The following RNF217 variants were observed in gnomAD, a reference collection of about 807,000 sequenced individuals.
The protein encoded by RNF217 is E3 ubiquitin-protein ligase RNF217.
RNF217 carries 31 observed loss-of-function variants against 57.8 expected under a neutral mutation model. The observed-to-expected ratio is 0.54, with a 90% CI of 0.40 to 0.72. The LOEUF (loss-of-function observed/expected upper bound fraction) is 0.72. RNF217 is among the 30% of genes least tolerant of loss of function. The probability of loss-of-function intolerance (pLI) is 0.00; values close to 1 mark genes in which losing one functional copy is unlikely to be tolerated. For synonymous variants in RNF217, 313 were observed against 294.0 expected (o/e 1.06, Z -0.66); for missense variants, 696 against 708.3 (o/e 0.98, Z 0.20).
rs1230250623 is a variant in RNF217, at chr6:125,065,111, TAAAAATA to T, written c.1281+7016_1281+7022del. On this transcript the variant is annotated intron_variant, in intron 3 of 5. Transcript: ENST00000521654. The stretch of plus-strand genomic sequence containing the variant: ...TAACACGGTGAAACTCCGTCTCTAC[TAAAAATA>T]AAAAATAAAAGATAAAAAAAAAATT... 1.8e-3 allele frequency among the ~76,000 whole-genome samples: 275 copies of T among 151,464 alleles called. 1 individual carries two copies. The highest frequency in any genetic ancestry group is 6.4e-3 in the African/African-American group (263 of 41,298).
chr6:124,987,914 C>T (rs765162682), intron 1 of RNF217, among the ~76,000 whole-genome samples: 6 of 152,128 alleles, frequency 3.9e-5, no homozygotes, highest in Non-Finnish European at 5.9e-5. Flanking sequence ...GATTAATTAA[C>T]ATACATTAGA....
rs952892929 is a variant in RNF217 at position 125,030,255 on chromosome 6, C to T, written c.883-14956C>T. Among the ~76,000 whole-genome samples, 11 of 152,116 alleles carry T rather than the reference C, an allele frequency of 7.2e-5. No homozygotes were observed. The East Asian group carries it at 2.1e-3, about 29-fold the overall frequency. On this transcript the variant is annotated intron_variant, in intron 1 of 5. Coordinates refer to ENST00000521654, the MANE Select transcript of RNF217 (RefSeq NM_001286398.3). Reference sequence around the variant, plus strand: ...TCAGGTTGAGATTTCAGTGGGGGCACAGCCAAACCATATCATTCTGCCCCT... The same window carrying T: ...TCAGGTTGAGATTTCAGTGGGGGCATAGCCAAACCATATCATTCTGCCCCT...
At position 125,025,366 on chromosome 6, in the gene RNF217, G is replaced by GT. The variant is rs1359812278; in HGVS notation, c.883-19839dup. ...AGACCAAGGCACACAATCCTAACGA[G>GT]TTTTTTGTTTTCTTTTGCTTTTATA... On this transcript the variant is annotated intron_variant, in intron 1 of 5. Coordinates refer to ENST00000521654, the MANE Select transcript of RNF217 (RefSeq NM_001286398.3). 6.6e-5 allele frequency among the ~76,000 whole-genome samples: 10 copies of GT among 152,080 alleles called. No homozygotes were observed. The East Asian group carries it at 1.7e-3, about 26-fold the overall frequency.
chr6:124,983,328 AC>A (rs1249960660), intron 1 of RNF217: 4 of 975,534 alleles, frequency 4.1e-6, no homozygotes, highest in Non-Finnish European at 4.9e-6. Flanking sequence ...TTTCATGGTA[AC>A]TAAGATGTGG....
At chr6:125,037,533 A>T (rs575723003) in intron 1 of RNF217, among the ~76,000 whole-genome samples, 29 of 152,230 alleles carry the variant, frequency 1.9e-4, no homozygotes, top group African/African-American at 6.3e-4. Flanking sequence ...TTTTAGAAAA[A>T]TTCAAAGGCA....
At chr6:125,062,585 G>GT (rs200841510) in intron 3 of RNF217, among the ~76,000 whole-genome samples, 85 of 151,542 alleles carry the variant, frequency 5.6e-4, no homozygotes, top group African/African-American at 1.7e-3. Flanking sequence ...GTTTGTTTTT[G>GT]TTTTTTTTGA....
chr6:125,076,974 G>A, intron 4 of RNF217, 116 bp downstream of exon 4: 1 of 876,286 alleles, frequency 1.1e-6, no homozygotes, highest in Non-Finnish European at 1.8e-6. Flanking sequence ...AGTGTTCAGA[G>A]GAGGATATTC....
intron 1 of RNF217, chr6:125,009,157 T>C: frequency 1.3e-6 from 2 of 1,483,258 alleles, no homozygotes; most frequent in Non-Finnish European, 1.8e-6. Context: ...CCATTTTTTC[T>C]CTTCTCATAT....
chr6:124,980,406 A>G (rs991835651), intron 1 of RNF217, among the ~76,000 whole-genome samples: 7 of 152,198 alleles, frequency 4.6e-5, no homozygotes, highest in Admixed American at 2.0e-4. Context: ...CAAAGGTCTT[A>G]CTGGCCAACC....
At chr6:125,052,331 T>TGTGG (rs553439058) in intron 2 of RNF217, among the ~76,000 whole-genome samples, 1 of 139,366 alleles carries the variant, frequency 7.2e-6, no homozygotes, top group Non-Finnish European at 1.5e-5. Flanking sequence ...GTTTTATTTG[T>TGTGG]TTTGTTTTGT....
rs529969789 is a variant in RNF217, at chr6:125,076,779, C to A, written c.1404C>A (p.Asn468Lys). 1 of 1,613,606 alleles carries A rather than the reference C, an allele frequency of 6.2e-7. No individual in the cohort carries two copies. The highest frequency in any genetic ancestry group is 1.7e-5 in the Admixed American group (1 of 59,940). The change falls in exon 4 of 6, where the codon AAC becomes AAA. Residue 468 changes from asparagine to lysine, a missense_variant. Physicochemically the swap from Asn to Lys is moderately conservative, Grantham distance 94. Around this residue, in one of 2 missense-constraint regions of RNF217, gnomAD observed 231 missense variants for 321.4 expected, o/e 0.72. Coordinates refer to ENST00000521654, the MANE Select transcript of RNF217 (RefSeq NM_001286398.3). Reference sequence around the variant, plus strand: ...GATTTTTTGGAGACCACACATCAAACCTCAGTATATTTGGATGCAAATATC... The same window carrying A: ...GATTTTTTGGAGACCACACATCAAAACTCAGTATATTTGGATGCAAATATC... ...QLRFFGDHTS[N>K]LSIFGCKYRY...
In RNF217 at chr6:124,999,398, A is replaced by C. The variant is rs552249031; in HGVS notation, c.882+35972A>C. Among the ~76,000 whole-genome samples, 516 of 151,916 alleles carry C rather than the reference A, an allele frequency of 3.4e-3. 2 individuals carry two copies. The highest frequency in any genetic ancestry group is 0.012 in the African/African-American group (493 of 41,444). The stretch of plus-strand genomic sequence containing the variant: ...CTGTCTTGTGAATTCCTGTAAGTGT[A>C]TCTCTTCTCTCATCTTTCCCACTTC... On this transcript the variant is annotated intron_variant, in intron 1 of 5. Coordinates refer to ENST00000521654, the MANE Select transcript of RNF217 (RefSeq NM_001286398.3).
At chr6:125,082,607 G>A (rs770758540) in intron 5 of RNF217, 4 of 1,584,380 alleles carry the variant, frequency 2.5e-6, no homozygotes, top group Non-Finnish European at 3.4e-6. Flanking sequence ...GGACAATAAA[G>A]AAGATTTAAA....
intron 1 of RNF217, 68 bp from the exon 2 acceptor site, chr6:125,045,143 C>CAAA: frequency 5.8e-6 from 5 of 868,114 alleles, no homozygotes; most frequent in East Asian, 5.7e-5. Flanking sequence ...ATACTGTATA[C>CAAA]AAAAAAAAAA....
In RNF217 at chr6:125,087,535, G is replaced by C. The variant is rs1044949683; in HGVS notation, c.*4598G>C. 2.0e-5 allele frequency: 3 copies of C among 152,052 alleles called. No homozygotes were observed. Among genetic ancestry groups the C allele is most frequent in the African/African-American group, 7.2e-5 (3 of 41,414 alleles). 9.4% of individuals were successfully genotyped at this position (152,052 alleles called of 1,614,324 possible). ...TTTGTGCCATTTAAATAATGACAAA[G>C]CAATCAATGCATACATTTCAATGGA... On this transcript the variant is annotated 3_prime_UTR_variant, in exon 6 of 6. Coordinates refer to ENST00000521654, the MANE Select transcript of RNF217 (RefSeq NM_001286398.3).
At chr6:125,004,245 A>G (rs1429506364) in intron 1 of RNF217, among the ~76,000 whole-genome samples, 1 of 152,176 alleles carries the variant, frequency 6.6e-6, no homozygotes, top group Non-Finnish European at 1.5e-5. Context: ...TTACTGAGTT[A>G]CAGTTTGATT....
chr6:124,973,411 T>G (rs980537540), intron 1 of RNF217, among the ~76,000 whole-genome samples: 6 of 152,192 alleles, frequency 3.9e-5, no homozygotes, highest in African/African-American at 1.4e-4. Flanking sequence ...TTTTATTAAT[T>G]ATATGGTATG....
At chr6:125,028,483 C>G (rs1415471156) in intron 1 of RNF217, among the ~76,000 whole-genome samples, 1 of 151,978 alleles carries the variant, frequency 6.6e-6, no homozygotes, top group Non-Finnish European at 1.5e-5. Flanking sequence ...TGGAACTATA[C>G]TGAATGAATA....
At chr6:124,986,309 T>C (rs946417028) in intron 1 of RNF217, among the ~76,000 whole-genome samples, 4 of 152,206 alleles carry the variant, frequency 2.6e-5, no homozygotes, top group Admixed American at 6.5e-5. Context: ...GGTTGACCCT[T>C]TTCCTCCCAC....
Sources: gnomAD v4.1 joint callset for allele counts (sites outside exome capture counted in the v4.1 genomes callset) on GRCh38, gnomAD v4.1.1 for gene constraint, gnomAD v4.1.1 regional missense constraint, MANE v1.5 for transcripts, NCBI Gene and HGNC (gene_info 2026-07-23, HGNC 2026-07-21) for gene names.